Variants in AKAP19 observed in about 807,000 individuals in gnomAD.
AKAP19 encodes small A-kinase anchoring protein.
chr2:189,904,925 A>T, the AKAP19 span, among the ~76,000 whole-genome samples: 1 of 152,034 alleles, frequency 6.6e-6, no homozygotes, highest in African/African-American at 2.4e-5. Context: ...AAGATTATAT[A>T]TGTCAAAGTT....
chr2:190,044,398 G>A, the AKAP19 span, among the ~76,000 whole-genome samples: 2 of 152,138 alleles, frequency 1.3e-5, no homozygotes, highest in Non-Finnish European at 2.9e-5. Context: ...GAGCAGTGTG[G>A]GGCCCATGGG....
the AKAP19 span, among the ~76,000 whole-genome samples, chr2:190,028,665 T>C: frequency 6.6e-6 from 1 of 152,192 alleles, no homozygotes; most frequent in African/African-American, 2.4e-5. Flanking sequence ...TTAAGAAACA[T>C]TCCAGCATAA....
chr2:189,905,087 C>T, the AKAP19 span, among the ~76,000 whole-genome samples: 3 of 151,830 alleles, frequency 2.0e-5, no homozygotes, highest in African/African-American at 7.2e-5. Flanking sequence ...AAATGTATTA[C>T]TCAAGTTTTT....
the AKAP19 span, among the ~76,000 whole-genome samples, chr2:189,990,514 G>A: frequency 0.034 from 5,220 of 152,064 alleles, 285 homozygotes; most frequent in African/African-American, 0.12. Context: ...TTTATGTGTT[G>A]TTGGATTCTA....
At chr2:190,120,003 A>G in the AKAP19 span, among the ~76,000 whole-genome samples, 1 of 152,160 alleles carries the variant, frequency 6.6e-6, no homozygotes, top group Non-Finnish European at 1.5e-5. Flanking sequence ...TGAGTAAAGT[A>G]GTTGTAATGG....
At chr2:189,922,570 G>A in the AKAP19 span, among the ~76,000 whole-genome samples, 29 of 152,314 alleles carry the variant, frequency 1.9e-4, no homozygotes, top group East Asian at 5.4e-3. Context: ...TACTTTCACA[G>A]TCATTTGTGG....
the AKAP19 span, among the ~76,000 whole-genome samples, chr2:190,117,392 T>C: frequency 1.3e-5 from 2 of 151,974 alleles, no homozygotes; most frequent in Non-Finnish European, 2.9e-5. Flanking sequence ...CCCTGGCAAA[T>C]AGTAGTATAC....
the AKAP19 span, among the ~76,000 whole-genome samples, chr2:189,997,285 C>T: frequency 6.6e-6 from 1 of 152,076 alleles, no homozygotes; most frequent in East Asian, 1.9e-4. Context: ...ATAAGCTTGC[C>T]CTAAGTTGGC....
the AKAP19 span, among the ~76,000 whole-genome samples, chr2:190,012,223 G>T: frequency 6.6e-6 from 1 of 152,012 alleles, no homozygotes; most frequent in East Asian, 1.9e-4. Context: ...TTCCCAGGCT[G>T]AAGCCATCCT....
the AKAP19 span, among the ~76,000 whole-genome samples, chr2:190,175,360 G>A: frequency 6.6e-6 from 1 of 152,172 alleles, no homozygotes; most frequent in Non-Finnish European, 1.5e-5. Flanking sequence ...CCAAACAAGT[G>A]AGAAGAAATA....
the AKAP19 span, among the ~76,000 whole-genome samples, chr2:190,044,219 G>A: frequency 6.6e-6 from 1 of 152,158 alleles, no homozygotes; most frequent in Non-Finnish European, 1.5e-5. Context: ...TCCCCAGCTT[G>A]GAGGCAGAGA....
the AKAP19 span, among the ~76,000 whole-genome samples, chr2:190,070,371 C>T: frequency 6.6e-6 from 1 of 151,406 alleles, no homozygotes; most frequent in African/African-American, 2.4e-5. Context: ...TTATTTTAAC[C>T]ACAGAAAGTT....
At chr2:190,106,911 A>C in the AKAP19 span, among the ~76,000 whole-genome samples, 1 of 152,218 alleles carries the variant, frequency 6.6e-6, no homozygotes. Context: ...ACTGAGGAAC[A>C]GCTTAAATTC....
chr2:189,998,771 C>CTTTT, the AKAP19 span, among the ~76,000 whole-genome samples: 72 of 97,542 alleles, frequency 7.4e-4, no homozygotes, highest in African/African-American at 1.3e-3. Flanking sequence ...TTCTTTCTTT[C>CTTTT]TTTTTTTTTT....
chr2:190,104,643 A>T, the AKAP19 span, among the ~76,000 whole-genome samples: 1 of 152,122 alleles, frequency 6.6e-6, no homozygotes, highest in Non-Finnish European at 1.5e-5. Context: ...TTCAAAAATT[A>T]ACCAGGCATG....
chr2:189,995,703 GT>G, the AKAP19 span, among the ~76,000 whole-genome samples: 3 of 151,486 alleles, frequency 2.0e-5, no homozygotes, highest in African/African-American at 4.9e-5. Flanking sequence ...TCACCGTGTT[GT>G]TGTTTTATAG....
the AKAP19 span, among the ~76,000 whole-genome samples, chr2:189,959,285 A>G: frequency 3.3e-5 from 5 of 152,116 alleles, no homozygotes; most frequent in African/African-American, 9.7e-5. Context: ...TTCCTTAGGG[A>G]TAGTAGCTAC....
At chr2:190,079,810 T>TA in the AKAP19 span, 2,208 of 143,988 alleles carry the variant, frequency 0.015, 49 homozygotes, top group African/African-American at 0.052. Context: ...GACTCCATCT[T>TA]AAAAAAAAAA....
At chr2:190,053,903 T>C in the AKAP19 span, among the ~76,000 whole-genome samples, 36 of 152,282 alleles carry the variant, frequency 2.4e-4, no homozygotes, top group Admixed American at 5.9e-4. Flanking sequence ...CCATTAAAGT[T>C]AGTCACTGCT....
Sources: gnomAD v4.1 joint callset for allele counts (sites outside exome capture counted in the v4.1 genomes callset) on GRCh38, gnomAD v4.1.1 for gene constraint, MANE v1.5 for transcripts, NCBI Gene and HGNC (gene_info 2026-07-23, HGNC 2026-07-21) for gene names.